The following BLACAT1 variants were observed in gnomAD, a reference collection of about 807,000 sequenced individuals.
BLACAT1 encodes the protein bladder cancer associated transcript 1.
intron 1 of BLACAT1, among the ~76,000 whole-genome samples, chr1:205,442,474 T>C (rs1666311216): frequency 6.6e-6 from 1 of 152,192 alleles, no homozygotes; most frequent in African/African-American, 2.4e-5. Context: ...AAAACTTCCT[T>C]CGTGTTTCTC....
intron 1 of BLACAT1, among the ~76,000 whole-genome samples, 195 bp downstream of exon 1, chr1:205,455,722 C>T (rs1020054030): frequency 1.3e-5 from 2 of 151,974 alleles, no homozygotes; most frequent in Non-Finnish European, 2.9e-5. Context: ...CGGCGGCTGA[C>T]GCAGCCCGCC....
At chr1:205,454,865 A>T (rs1041508062) in intron 1 of BLACAT1, among the ~76,000 whole-genome samples, 1 of 136,606 alleles carries the variant, frequency 7.3e-6, no homozygotes, top group Non-Finnish European at 1.5e-5. Flanking sequence ...TAAGGTATGT[A>T]AAAAAAAAAA....
chr1:205,446,622 A>G (rs1225972325), intron 1 of BLACAT1, among the ~76,000 whole-genome samples: 1 of 152,192 alleles, frequency 6.6e-6, no homozygotes, highest in Non-Finnish European at 1.5e-5. Context: ...CTGGCTTTCC[A>G]GTTAGGAGAT....
At position 205,450,186 on chromosome 1, in the gene BLACAT1, C is replaced by T. The variant is rs1666474700; in HGVS notation, c.-37+5731G>A. On this transcript the variant is annotated intron_variant, in intron 1 of 1. Coordinates refer to ENST00000629624, the Ensembl canonical transcript of BLACAT1. The surrounding 1 kb of genome is among the most constrained non-coding windows in gnomAD (Gnocchi z 4.4). ...TGACTTGGGCCTGAGTAACAAAGGT[C>T]TCATTGAGCCTCTGGCTGTCTGGTC... is the stretch of plus-strand genomic sequence containing the variant. Among the ~76,000 whole-genome samples the T allele has an allele frequency of 6.6e-6, 1 of 152,104 alleles. No homozygotes were observed. Among genetic ancestry groups the T allele is most frequent in the South Asian group, 2.1e-4 (1 of 4,826 alleles).
rs146127512 is a variant in BLACAT1, at chr1:205,454,200, A to C, written c.-37+1717T>G. Among the ~76,000 whole-genome samples the C allele has an allele frequency of 7.1e-3, 1,081 of 152,362 alleles. 3 individuals are homozygous for C. Among genetic ancestry groups the C allele is most frequent in the Admixed American group, 7.7e-3 (118 of 15,308 alleles). On this transcript the variant is annotated intron_variant, in intron 1 of 1. Transcript: ENST00000629624. ...GAGACAGCACTCAGGGAGGCCCAGC[A>C]GGCAGTCCAGTGGGAAGACAGGCCC...
intron 1 of BLACAT1, among the ~76,000 whole-genome samples, chr1:205,445,141 G>C (rs988614026): frequency 6.6e-6 from 1 of 152,082 alleles, no homozygotes; most frequent in African/African-American, 2.4e-5. Flanking sequence ...CCAGGAGAAA[G>C]AATTAAAAAC....
chr1:205,445,260 G>C (rs1666368367), intron 1 of BLACAT1, among the ~76,000 whole-genome samples: 2 of 152,260 alleles, frequency 1.3e-5, no homozygotes, highest in South Asian at 4.2e-4. Context: ...GCCTCTGCAG[G>C]TTTCTGGGAA....
downstream of BLACAT1, chr1:205,436,679 T>C (rs1280447840): frequency 6.6e-6 from 1 of 152,162 alleles, no homozygotes; most frequent in Non-Finnish European, 1.5e-5. Flanking sequence ...GGGAACAGAT[T>C]CTGTTTCTTG....
intron 1 of BLACAT1, among the ~76,000 whole-genome samples, chr1:205,454,864 T>TA (rs879704935): frequency 0.018 from 2,523 of 142,884 alleles, 50 homozygotes; most frequent in African/African-American, 0.055. Context: ...TTAAGGTATG[T>TA]AAAAAAAAAA....
intron 1 of BLACAT1, among the ~76,000 whole-genome samples, chr1:205,452,411 A>AG (rs1398949171): frequency 6.6e-6 from 1 of 152,152 alleles, no homozygotes; most frequent in Non-Finnish European, 1.5e-5. Context: ...GGGAAGGGCC[A>AG]GGGGGGCAAA....
At chr1:205,439,798 G>A (rs770555014), downstream of BLACAT1, among the ~76,000 whole-genome samples, 9 of 152,104 alleles carry the variant, frequency 5.9e-5, no homozygotes, top group South Asian at 2.1e-4. Context: ...TTCTAGCCCC[G>A]GAGAACTCCA....
At chr1:205,446,757 T>C (rs1160754681) in intron 1 of BLACAT1, among the ~76,000 whole-genome samples, 1 of 152,198 alleles carries the variant, frequency 6.6e-6, no homozygotes, top group African/African-American at 2.4e-5. Flanking sequence ...GCCAGCCATC[T>C]CTGAACTCTG....
At chr1:205,455,666 A>T (rs1666553925) in intron 1 of BLACAT1, among the ~76,000 whole-genome samples, 1 of 152,090 alleles carries the variant, frequency 6.6e-6, no homozygotes, top group Admixed American at 6.5e-5. Context: ...AAAGGAACAA[A>T]GGCAATGGGG....
chr1:205,436,284 T>C (rs1446329327), downstream of BLACAT1: 1 of 152,186 alleles, frequency 6.6e-6, no homozygotes, highest in Non-Finnish European at 1.5e-5. Context: ...AGCTCTTGGC[T>C]TTGGCAATTT....
In BLACAT1 at chr1:205,441,430, C is replaced by A. The variant is rs1247994278; in HGVS notation, c.-36-368G>T. ...CAGGAAGCAAGCTGGCTTAAAATAG[C>A]CTCCGGCTTGTGCCACCTTACACCA... On this transcript the variant is annotated intron_variant, in intron 1 of 1. Coordinates refer to ENST00000629624, the Ensembl canonical transcript of BLACAT1. This position sits in a 1 kb window ranked among gnomAD's most constrained non-coding sequence, Gnocchi z 4.3. Among the ~76,000 whole-genome samples, 4 of 152,162 alleles carry A rather than the reference C, an allele frequency of 2.6e-5. No homozygotes were observed. Among genetic ancestry groups the A allele is most frequent in the African/African-American group, 9.7e-5 (4 of 41,434 alleles).
intron 1 of BLACAT1, among the ~76,000 whole-genome samples, chr1:205,446,433 C>T (rs1269955660): frequency 2.0e-5 from 3 of 152,234 alleles, no homozygotes; most frequent in Non-Finnish European, 2.9e-5. Flanking sequence ...TTTACTCAGC[C>T]ATCCCTACAA....
intron 1 of BLACAT1, among the ~76,000 whole-genome samples, chr1:205,453,097 C>A (rs1317132573): frequency 1.3e-5 from 2 of 152,110 alleles, no homozygotes; most frequent in Non-Finnish European, 2.9e-5. Context: ...TGGGAAGGCA[C>A]TGCTGAAACT....
chr1:205,453,829 C>T (rs1372101073), intron 1 of BLACAT1, among the ~76,000 whole-genome samples: 1 of 152,180 alleles, frequency 6.6e-6, no homozygotes, highest in Non-Finnish European at 1.5e-5. Flanking sequence ...AGTTTTGCCT[C>T]TCAGCCAATA....
At chr1:205,435,877 C>G (rs1362205121), downstream of BLACAT1, 1 of 152,222 alleles carries the variant, frequency 6.6e-6, no homozygotes, top group East Asian at 1.9e-4. Flanking sequence ...TTCCCCCTGG[C>G]TGAGGGGTGA....
Sources: allele counts gnomAD v4.1 joint callset (sites outside exome capture counted in the v4.1 genomes callset), GRCh38; gene constraint gnomAD v4.1.1; non-coding constraint Gnocchi (gnomAD v3.1); transcripts MANE v1.5; gene names NCBI Gene and HGNC (gene_info 2026-07-23, HGNC 2026-07-21).